Variants in MICU1 observed in about 807,000 individuals in gnomAD.
The protein encoded by MICU1 is calcium uptake protein 1, mitochondrial.
A neutral mutation model predicts 56.8 loss-of-function variants in MICU1; 45 were observed. The observed-to-expected ratio is 0.79, with a 90% CI of 0.62 to 1.02. The LOEUF is 1.02. Among genes scored for constraint, MICU1 ranks in the 50% least tolerant of loss-of-function variants. The probability of loss-of-function intolerance (pLI) is 0.00; values close to 1 mark genes in which losing one functional copy is unlikely to be tolerated. For missense variants in MICU1, 504 were observed against 587.1 expected (o/e 0.86, Z 1.46); for synonymous variants, 186 against 195.1 (o/e 0.95, Z 0.39).
At chr10:72,482,745 A>G (rs2132284611) in intron 6 of MICU1, among the ~76,000 whole-genome samples, 1 of 151,852 alleles carries the variant, frequency 6.6e-6, no homozygotes, top group Admixed American at 6.6e-5. Flanking sequence ...GCTTCTTAGA[A>G]CTTGCTTCCA....
chr10:72,475,401 G>GTATTATA, intron 7 of MICU1, 104 bp from the exon 8 acceptor site: 2 of 1,053,076 alleles, frequency 1.9e-6, no homozygotes, highest in Admixed American at 5.9e-5. Flanking sequence ...TGCCTACTCT[G>GTATTATA]TATTATAATT....
At chr10:72,503,457 G>A (rs921810478) in intron 6 of MICU1, among the ~76,000 whole-genome samples, 1 of 152,142 alleles carries the variant, frequency 6.6e-6, no homozygotes, top group East Asian at 1.9e-4. Context: ...AGGCTGTGCT[G>A]CTGGCATCTA....
intron 2 of MICU1, among the ~76,000 whole-genome samples, chr10:72,564,014 A>T (rs1840363743): frequency 1.3e-5 from 2 of 152,198 alleles, no homozygotes; most frequent in South Asian, 4.1e-4. Context: ...TTTCTTTTTT[A>T]AAAAATAATA....
At chr10:72,605,618 T>C (rs891217508) in intron 1 of MICU1, among the ~76,000 whole-genome samples, 1 of 152,196 alleles carries the variant, frequency 6.6e-6, no homozygotes, top group Non-Finnish European at 1.5e-5. Context: ...ATGCTGCTGA[T>C]GGTGATAATA....
intron 6 of MICU1, among the ~76,000 whole-genome samples, chr10:72,503,518 C>T (rs1043642139): frequency 6.6e-6 from 1 of 152,062 alleles, no homozygotes; most frequent in African/African-American, 2.4e-5. Context: ...AACTGGACAG[C>T]CCTCACAATA....
chr10:72,620,466 A>G (rs1000880765), intron 1 of MICU1, among the ~76,000 whole-genome samples: 1 of 152,196 alleles, frequency 6.6e-6, no homozygotes, highest in Non-Finnish European at 1.5e-5. Flanking sequence ...GATTACAGGC[A>G]TGAGCCACTG....
intron 1 of MICU1, among the ~76,000 whole-genome samples, chr10:72,578,319 A>C (rs1266890206): frequency 6.6e-6 from 1 of 151,956 alleles, no homozygotes; most frequent in Non-Finnish European, 1.5e-5. Flanking sequence ...GTGCAGTGGC[A>C]TGATCTTGGC....
chr10:72,430,686 G>C (rs1424014601), intron 8 of MICU1, among the ~76,000 whole-genome samples: 1 of 148,840 alleles, frequency 6.7e-6, no homozygotes, highest in African/African-American at 2.5e-5. Context: ...TCAGCCTCCT[G>C]AGTAGCTGGG....
intron 8 of MICU1, among the ~76,000 whole-genome samples, chr10:72,432,779 T>C (rs1864583255): frequency 5.9e-5 from 9 of 152,206 alleles, no homozygotes; most frequent in Admixed American, 5.9e-4. Context: ...ACACCTCCAC[T>C]AGGCACAGCC....
chr10:72,413,289 T>C (rs1254389865), intron 9 of MICU1, among the ~76,000 whole-genome samples: 3 of 152,296 alleles, frequency 2.0e-5, no homozygotes, highest in East Asian at 3.9e-4. Flanking sequence ...CAAGAGTTCT[T>C]AGATGACACC....
At chr10:72,549,143 T>G (rs1370123644) in intron 4 of MICU1, among the ~76,000 whole-genome samples, 5 of 152,082 alleles carry the variant, frequency 3.3e-5, no homozygotes, top group Non-Finnish European at 7.4e-5. Context: ...CATAAATGTT[T>G]TTGGTTCCCT....
rs193299563 is a variant in MICU1 at position 72,532,877 on chromosome 10, C to G, written c.537+869G>C. The stretch of plus-strand genomic sequence containing the variant: ...GTATAAAAGAGCTCAACACTTATCT[C>G]TCCACCTTACCAGGATATGGACTTT... On this transcript the variant is annotated intron_variant, in intron 5 of 11. Coordinates refer to ENST00000361114, the MANE Select transcript of MICU1 (RefSeq NM_001195518.2). 202 of 1,166,104 alleles carry G rather than the reference C, an allele frequency of 1.7e-4. 1 individual carries two copies. The African/African-American group carries it at 2.8e-3, about 16-fold the overall frequency. 72.2% of individuals were successfully genotyped at this position (1,166,104 alleles called of 1,614,324 possible).
chr10:72,593,519 CT>C (rs1179550003), intron 1 of MICU1, among the ~76,000 whole-genome samples: 1 of 91,972 alleles, frequency 1.1e-5, no homozygotes, highest in African/African-American at 4.3e-5. Context: ...CGGACTCTGT[CT>C]CCAAAAAAAA....
chr10:72,485,297 C>T (rs1471970425), intron 6 of MICU1, among the ~76,000 whole-genome samples: 3 of 151,912 alleles, frequency 2.0e-5, no homozygotes, highest in Non-Finnish European at 2.9e-5. Flanking sequence ...GGGCTGGTCT[C>T]GATTTCCTGG....
chr10:72,373,005 C>A (rs1455463567), intron 11 of MICU1, among the ~76,000 whole-genome samples: 2 of 151,832 alleles, frequency 1.3e-5, no homozygotes, highest in African/African-American at 4.8e-5. Context: ...TTACCTTCTG[C>A]TTCCGTAAGG....
chr10:72,426,539 A>G (rs1374739551), intron 8 of MICU1, among the ~76,000 whole-genome samples: 2 of 151,776 alleles, frequency 1.3e-5, no homozygotes, highest in Non-Finnish European at 2.9e-5. Flanking sequence ...CTGGGACTAT[A>G]GGCATGCACC....
intron 8 of MICU1, among the ~76,000 whole-genome samples, chr10:72,430,373 C>T (rs920929224): frequency 2.6e-5 from 4 of 152,050 alleles, no homozygotes; most frequent in Non-Finnish European, 5.9e-5. Flanking sequence ...AAACAAAATT[C>T]TGAAATATAA....
At chr10:72,533,631 C>T (rs1432489487) in intron 5 of MICU1, 115 bp downstream of exon 5, 7 of 748,216 alleles carry the variant, frequency 9.4e-6, no homozygotes, top group Non-Finnish European at 1.3e-5. Flanking sequence ...TAAGCATGCT[C>T]TTTTGGTAAG....
intron 10 of MICU1, among the ~76,000 whole-genome samples, chr10:72,384,678 G>A (rs1327993643): frequency 6.6e-6 from 1 of 151,994 alleles, no homozygotes; most frequent in African/African-American, 2.4e-5. Context: ...CTTTAAATTT[G>A]GGAAAATAAA....
Sources: gnomAD v4.1 joint callset for allele counts (sites outside exome capture counted in the v4.1 genomes callset) on GRCh38, gnomAD v4.1.1 for gene constraint, MANE v1.5 for transcripts, NCBI Gene and HGNC (gene_info 2026-07-23, HGNC 2026-07-21) for gene names.